LPIN2: variants seen among roughly 807,000 people sequenced by gnomAD.
LPIN2 encodes phosphatidate phosphatase LPIN2.
LPIN2 carries 55 observed loss-of-function variants against 111.4 expected under a neutral mutation model. That is an observed-to-expected ratio of 0.49 (90% CI 0.40 to 0.62). The LOEUF (loss-of-function observed/expected upper bound fraction) is 0.62, where lower values mean the gene tolerates loss of function less well. LPIN2 is among the 20% of genes least tolerant of loss of function. LPIN2 has a pLI of 0.00. For synonymous variants in LPIN2, 425 were observed against 414.0 expected, an observed-to-expected ratio of 1.03 and a Z score of -0.32; for missense variants, 992 against 1,112.1, an observed-to-expected ratio of 0.89 and a Z score of 1.54.
chr18:2,945,321 G>A (rs1305941921), intron 4 of LPIN2, among the ~76,000 whole-genome samples: 1 of 152,118 alleles, frequency 6.6e-6, no homozygotes, highest in African/African-American at 2.4e-5. Context: ...CACAACTATG[G>A]TTCCTACCAG....
chr18:3,006,977 G>A (rs2078525982), intron 1 of LPIN2, among the ~76,000 whole-genome samples: 1 of 151,054 alleles, frequency 6.6e-6, no homozygotes, highest in South Asian at 2.1e-4. Flanking sequence ...TCCAGCCTCA[G>A]TGACAAAGTG....
rs1249855163 is a variant in LPIN2 at position 2,939,612 on chromosome 18, A to G, written c.699-9T>C. 1 of 1,612,802 alleles carries G rather than the reference A, an allele frequency of 6.2e-7. No individual in the cohort carries two copies. Among genetic ancestry groups the G allele is most frequent in the Non-Finnish European group, 8.5e-7 (1 of 1,179,598 alleles). Reference sequence around the variant, plus strand: ...CTGTCTGGGGATAGGTGCTGCAAAGAGAACAAAGACACACGATGACTTGAA... The same window carrying G: ...CTGTCTGGGGATAGGTGCTGCAAAGGGAACAAAGACACACGATGACTTGAA... On this transcript the variant is annotated splice_polypyrimidine_tract_variant and intron_variant, in intron 5 of 19. Coordinates refer to ENST00000677752, the MANE Select transcript of LPIN2 (RefSeq NM_001375808.2).
chr18:2,944,231 TA>T (rs569764451), intron 4 of LPIN2, among the ~76,000 whole-genome samples: 87 of 139,188 alleles, frequency 6.3e-4, no homozygotes, highest in South Asian at 1.6e-3. Context: ...TTCATGACTT[TA>T]AAAAAAAAAA....
rs186189096 is a variant in LPIN2, at chr18:2,919,627, G to A, written c.*666C>T. On this transcript the variant is annotated 3_prime_UTR_variant, in exon 20 of 20. Transcript: ENST00000677752. Reference sequence around the variant, plus strand: ...GTGAGGACTAAGAAATTAAGGGCTCGTGGAGTTGTCACAGATGAGAGGAGG... The same window carrying A: ...GTGAGGACTAAGAAATTAAGGGCTCATGGAGTTGTCACAGATGAGAGGAGG... 3.4e-4 allele frequency: 53 copies of A among 155,118 alleles called. No homozygotes were observed. The highest frequency in any genetic ancestry group is 5.7e-4 in the Admixed American group (9 of 15,876). 9.6% of individuals were successfully genotyped at this position (155,118 alleles called of 1,614,324 possible). A position where few individuals can be genotyped will look rare whatever the true frequency, so the allele number is the denominator to read the frequency against.
At chr18:2,986,598 G>A (rs2078190420) in intron 1 of LPIN2, among the ~76,000 whole-genome samples, 1 of 147,254 alleles carries the variant, frequency 6.8e-6, no homozygotes, top group African/African-American at 2.5e-5. Flanking sequence ...CTTCTTCCAA[G>A]TTCAAAGGTT....
At chr18:2,982,908 A>G in intron 1 of LPIN2, 1 of 351,824 alleles carries the variant, frequency 2.8e-6, no homozygotes, top group South Asian at 2.2e-5. Flanking sequence ...TGGTTCTTAA[A>G]AAAAAAAAAA....
chr18:2,962,840 C>T (rs2077733919), intron 1 of LPIN2, among the ~76,000 whole-genome samples: 1 of 152,018 alleles, frequency 6.6e-6, no homozygotes, highest in Non-Finnish European at 1.5e-5. Context: ...ACATGTTAGA[C>T]CTTTTCTTAA....
At chr18:2,927,351 G>A (rs559596093) in intron 12 of LPIN2, among the ~76,000 whole-genome samples, 2 of 152,296 alleles carry the variant, frequency 1.3e-5, no homozygotes, top group African/African-American at 4.8e-5. Flanking sequence ...TTTGCATCTG[G>A]AACTATGCAG....
intron 1 of LPIN2, among the ~76,000 whole-genome samples, chr18:2,964,167 C>T (rs910590537): frequency 6.7e-6 from 1 of 149,758 alleles, no homozygotes; most frequent in Admixed American, 6.7e-5. Context: ...CCTGTAGTCC[C>T]AGCTACTTGG....
At chr18:2,986,909 A>G (rs897161130) in intron 1 of LPIN2, among the ~76,000 whole-genome samples, 1 of 152,204 alleles carries the variant, frequency 6.6e-6, no homozygotes, top group African/African-American at 2.4e-5. Flanking sequence ...AGCCAAAAGA[A>G]ATGGAAAACC....
intron 1 of LPIN2, chr18:2,990,876 A>G (rs2078255384): frequency 4.0e-6 from 2 of 506,190 alleles, no homozygotes; most frequent in Admixed American, 2.2e-5. Flanking sequence ...ACCTCCCTCC[A>G]GTCTTCTGGG....
At chr18:2,981,729 T>C (rs1417133708) in intron 1 of LPIN2, among the ~76,000 whole-genome samples, 2 of 152,362 alleles carry the variant, frequency 1.3e-5, no homozygotes, top group South Asian at 4.1e-4. Context: ...GTCTTTCCAT[T>C]AGTTCCTGAG....
intron 1 of LPIN2, among the ~76,000 whole-genome samples, chr18:3,007,100 G>A (rs567219395): frequency 1.2e-4 from 18 of 151,936 alleles, no homozygotes; most frequent in Admixed American, 5.2e-4. Flanking sequence ...TCTTATTCTC[G>A]AATAGTTCAT....
intron 4 of LPIN2, chr18:2,945,520 G>C (rs558659732): frequency 8.9e-7 from 1 of 1,127,164 alleles, no homozygotes; most frequent in East Asian, 2.4e-5. Flanking sequence ...TCTGAAATAC[G>C]TAATAGCCTT....
chr18:2,979,487 T>C (rs1350320780), intron 1 of LPIN2, among the ~76,000 whole-genome samples: 1 of 152,184 alleles, frequency 6.6e-6, no homozygotes, highest in Non-Finnish European at 1.5e-5. Context: ...TTGATTTACA[T>C]GCATCTACTG....
intron 1 of LPIN2, among the ~76,000 whole-genome samples, chr18:2,967,964 C>G (rs1485749128): frequency 6.6e-6 from 1 of 152,152 alleles, no homozygotes; most frequent in Non-Finnish European, 1.5e-5. Flanking sequence ...TTCATTAAAG[C>G]CCATGCGGTC....
In LPIN2 at chr18:2,940,170, T is replaced by C. The variant is rs564059218; in HGVS notation, c.698+435A>G. Among the ~76,000 whole-genome samples, 1,285 of 151,950 alleles carry C rather than the reference T, an allele frequency of 8.5e-3. 26 individuals carry two copies. The highest frequency in any genetic ancestry group is 0.029 in the African/African-American group (1,196 of 41,438). ...GCGAGACTCTGTCTCTACAAAAAAA[T>C]TTAAAACTTAGCTGAGCACAGTGGT... On this transcript the variant is annotated intron_variant, in intron 5 of 19. Coordinates refer to ENST00000677752, the MANE Select transcript of LPIN2 (RefSeq NM_001375808.2).
chr18:2,999,164 A>G (rs1420300428), intron 1 of LPIN2, among the ~76,000 whole-genome samples: 1 of 152,218 alleles, frequency 6.6e-6, no homozygotes, highest in Non-Finnish European at 1.5e-5. Context: ...TATCCTCCAA[A>G]AAAGAAACGC....
intron 1 of LPIN2, among the ~76,000 whole-genome samples, chr18:3,002,401 G>A (rs537666711): frequency 6.6e-6 from 1 of 152,174 alleles, no homozygotes; most frequent in East Asian, 1.9e-4. Context: ...AACATTAGAG[G>A]CCTTATGAAC....
Sources: gnomAD v4.1 joint callset for allele counts (sites outside exome capture counted in the v4.1 genomes callset) on GRCh38, gnomAD v4.1.1 for gene constraint, MANE v1.5 for transcripts, NCBI Gene and HGNC (gene_info 2026-07-23, HGNC 2026-07-21) for gene names.